The following SLC44A2 variants were observed in gnomAD, a reference collection of about 807,000 sequenced individuals.
The protein encoded by SLC44A2 is choline transporter-like protein 2.
Under a neutral mutation model 90.8 loss-of-function variants are expected in SLC44A2, and 57 were observed. The ratio of observed to expected loss-of-function variants is 0.63; its 90% CI spans 0.51 to 0.78. The LOEUF is 0.78. Among genes scored for constraint, SLC44A2 ranks in the 30% least tolerant of loss-of-function variants. The pLI, the probability that SLC44A2 is intolerant of heterozygous loss-of-function variation, is 0.00. For synonymous variants in SLC44A2, 355 were observed against 360.7 expected, an observed-to-expected ratio of 0.98 and a Z score of 0.18; for missense variants, 794 against 919.7, an observed-to-expected ratio of 0.86 and a Z score of 1.77.
chr19:10,606,740 G>A (rs183051297), intron 1 of SLC44A2, among the ~76,000 whole-genome samples: 77 of 151,972 alleles, frequency 5.1e-4, no homozygotes, highest in Non-Finnish European at 1.0e-3. Context: ...GAACCCAGGA[G>A]GCAGAGGTTG....
intron 20 of SLC44A2, chr19:10,641,379 G>A (rs1359955711): frequency 1.6e-5 from 7 of 445,832 alleles, no homozygotes; most frequent in African/African-American, 1.4e-4. Context: ...GAGCAACACA[G>A]TGAGACCCTG....
chr19:10,607,152 A>G (rs1279470997), intron 1 of SLC44A2, among the ~76,000 whole-genome samples: 1 of 152,030 alleles, frequency 6.6e-6, no homozygotes, highest in Non-Finnish European at 1.5e-5. Context: ...TGACCTTGTG[A>G]TCAGCCTGCC....
upstream of SLC44A2, among the ~76,000 whole-genome samples, chr19:10,620,648 G>A (rs1427291044): frequency 2.6e-5 from 4 of 152,108 alleles, no homozygotes; most frequent in East Asian, 5.8e-4. Flanking sequence ...GGACGCAGCC[G>A]GAATGAAAGA....
At chr19:10,619,554 G>T (rs2066882309) in intron 1 of SLC44A2, among the ~76,000 whole-genome samples, 1 of 150,736 alleles carries the variant, frequency 6.6e-6, no homozygotes, top group Non-Finnish European at 1.5e-5. Flanking sequence ...TCAATATATT[G>T]CCCAGGCTAG....
intron 20 of SLC44A2, among the ~76,000 whole-genome samples, chr19:10,639,381 G>A (rs562359050): frequency 1.1e-4 from 16 of 152,264 alleles, no homozygotes; most frequent in African/African-American, 3.4e-4. Context: ...GACATGCCAC[G>A]AGTATGTCTG....
intron 1 of SLC44A2, among the ~76,000 whole-genome samples, chr19:10,617,430 C>T (rs2066864574): frequency 6.6e-6 from 1 of 152,190 alleles, no homozygotes; most frequent in Non-Finnish European, 1.5e-5. Flanking sequence ...CAAAGCCAGG[C>T]CTTGAGCCAA....
Position 10,631,292 on chromosome 19 carries a change from C to T in SLC44A2, c.348C>T (p.Cys116=). 8 of 1,614,140 alleles carry T rather than the reference C, an allele frequency of 5.0e-6. No individual in the cohort carries two copies. Among genetic ancestry groups the T allele is most frequent in the South Asian group, 3.3e-5 (3 of 91,084 alleles). Residue 116 remains cysteine (C), a synonymous_variant, in exon 6 of 22, where the codon TGC becomes TGT. Coordinates refer to ENST00000335757, the MANE Select transcript of SLC44A2 (RefSeq NM_020428.4). ...CPTPQICVEK[C]PDRYLTYLNA... is the part of the protein sequence containing the mutation. The stretch of plus-strand genomic sequence containing the variant: ...CCTCCCAGATCTGCGTGGAAAAATG[C>T]CCCGACCGCTACCTCACGTACCTGA...
chr19:10,604,073 T>C (rs1483691171), intron 1 of SLC44A2, among the ~76,000 whole-genome samples: 3 of 152,144 alleles, frequency 2.0e-5, no homozygotes, highest in Non-Finnish European at 4.4e-5. Flanking sequence ...CAAATATTTA[T>C]TGAGCACGAT....
intron 1 of SLC44A2, among the ~76,000 whole-genome samples, chr19:10,603,214 C>A (rs1315062359): frequency 6.6e-6 from 1 of 152,176 alleles, no homozygotes; most frequent in South Asian, 2.1e-4. Context: ...CTCCGGCGAA[C>A]CTCTTGGGGC....
intron 1 of SLC44A2, among the ~76,000 whole-genome samples, chr19:10,606,046 C>T (rs1446572434): frequency 6.6e-6 from 1 of 152,052 alleles, no homozygotes; most frequent in Non-Finnish European, 1.5e-5. Context: ...GCCTATAATT[C>T]CAGCACTTTG....
chr19:10,637,593 C>T (rs1468893422), intron 16 of SLC44A2, 51 bp from the exon 17 acceptor site: 4 of 1,533,186 alleles, frequency 2.6e-6, no homozygotes, highest in Non-Finnish European at 3.6e-6. Context: ...GGATCCCTTC[C>T]AAGTCAGGCT....
At chr19:10,615,285 A>C (rs959246626) in intron 1 of SLC44A2, among the ~76,000 whole-genome samples, 24 of 151,202 alleles carry the variant, frequency 1.6e-4, no homozygotes, top group Admixed American at 1.4e-3. Context: ...TAAAAAAAAA[A>C]ATTAGGGGCC....
intron 4 of SLC44A2, among the ~76,000 whole-genome samples, 171 bp downstream of exon 4, chr19:10,628,175 A>G (rs928490196): frequency 2.0e-5 from 3 of 152,166 alleles, no homozygotes; most frequent in Non-Finnish European, 2.9e-5. Flanking sequence ...GCTTTAGGCT[A>G]GGAGTTCGAG....
Position 10,643,558 on chromosome 19 carries a change from C to T in SLC44A2, c.*173C>T. 1 of 739,562 alleles carries T rather than the reference C, an allele frequency of 1.4e-6. No individual in the cohort carries two copies. Among genetic ancestry groups the T allele is most frequent in the Non-Finnish European group, 2.0e-6 (1 of 487,816 alleles). 45.8% of individuals were successfully genotyped at this position (739,562 alleles called of 1,614,324 possible). A position where few individuals can be genotyped will look rare whatever the true frequency, so the allele number is the denominator to read the frequency against. Reference sequence around the variant, plus strand: ...CGTGGAGAGTCTGGGGCATCTCCTTCTTATGCCAAGGGGCGCTTGGAGTTT... The same window carrying T: ...CGTGGAGAGTCTGGGGCATCTCCTTTTTATGCCAAGGGGCGCTTGGAGTTT... On this transcript the variant is annotated 3_prime_UTR_variant, in exon 22 of 22. Coordinates refer to ENST00000335757, the MANE Select transcript of SLC44A2 (RefSeq NM_020428.4).
intron 2 of SLC44A2, among the ~76,000 whole-genome samples, chr19:10,626,687 G>A (rs907708762): frequency 6.6e-6 from 1 of 151,560 alleles, no homozygotes; most frequent in African/African-American, 2.4e-5. Context: ...CTCCCAAAGT[G>A]CTGGGATTAC....
At chr19:10,638,357 G>C (rs143665362) in intron 20 of SLC44A2, 42 bp downstream of exon 20, 20 of 1,577,316 alleles carry the variant, frequency 1.3e-5, no homozygotes, top group Non-Finnish European at 1.6e-5. Context: ...GGAAGAAAGA[G>C]GTGTTGGGAT....
intron 20 of SLC44A2, among the ~76,000 whole-genome samples, chr19:10,639,933 A>T (rs1000640229): frequency 6.6e-6 from 1 of 151,642 alleles, no homozygotes; most frequent in African/African-American, 2.4e-5. Context: ...CTGTGGAGGG[A>T]TTGAGCCTTC....
rs1366995756 is a variant in SLC44A2, at chr19:10,632,042, A to G, written c.711-2A>G. 6.2e-7 allele frequency: 1 copy of G among 1,614,072 alleles called. No individual in the cohort carries two copies. The highest frequency in any genetic ancestry group is 1.1e-5 in the South Asian group (1 of 91,080). ...TGTTCATGACCGTTTTCTTTTCCCC[A>G]GAGGCCTGGTCATTGCCATGGCGAT... On this transcript the variant is annotated splice_acceptor_variant, in intron 9 of 21. Transcript: ENST00000335757. LOFTEE classifies it high-confidence loss of function.
chr19:10,634,182 G>T (rs2067027708), intron 10 of SLC44A2, among the ~76,000 whole-genome samples: 1 of 132,644 alleles, frequency 7.5e-6, no homozygotes, highest in South Asian at 2.5e-4. Context: ...TAGACACGGG[G>T]TTTCACCATG....
Sources: allele counts gnomAD v4.1 joint callset (sites outside exome capture counted in the v4.1 genomes callset), GRCh38; gene constraint gnomAD v4.1.1; transcripts MANE v1.5; gene names NCBI Gene and HGNC (gene_info 2026-07-23, HGNC 2026-07-21).